Variants in CDH13 observed in about 807,000 individuals in gnomAD.
CDH13 encodes cadherin 13.
CDH13 carries 24 observed loss-of-function variants against 63.8 expected under a neutral mutation model. The observed-to-expected ratio is 0.38, with a 90% confidence interval of 0.27 to 0.53. The LOEUF is 0.53. CDH13 is among the 20% of genes least tolerant of loss of function. The probability of loss-of-function intolerance (pLI) is 0.85; values close to 1 mark genes in which losing one functional copy is unlikely to be tolerated. For missense variants in CDH13, 1,049 were observed against 903.1 expected, an observed-to-expected ratio of 1.16 and a Z score of -2.07; for synonymous variants, 503 against 355.3, an observed-to-expected ratio of 1.42 and a Z score of -4.67.
intron 2 of CDH13, among the ~76,000 whole-genome samples, chr16:82,864,527 G>T (rs1050883603): frequency 6.6e-6 from 1 of 151,962 alleles, no homozygotes; most frequent in Non-Finnish European, 1.5e-5. Flanking sequence ...AAGGGGAGGA[G>T]CCCCTTATAA....
At chr16:82,960,628 C>T (rs1028800253) in intron 2 of CDH13, among the ~76,000 whole-genome samples, 1 of 152,150 alleles carries the variant, frequency 6.6e-6, no homozygotes, top group Non-Finnish European at 1.5e-5. Flanking sequence ...ATAGCACCTT[C>T]AGTTTCCATT....
At chr16:83,177,663 A>C (rs1345358886) in intron 4 of CDH13, among the ~76,000 whole-genome samples, 2 of 152,190 alleles carry the variant, frequency 1.3e-5, no homozygotes, top group Non-Finnish European at 2.9e-5. Context: ...GGTCCCCTCC[A>C]CATAGGGATA....
At chr16:83,441,641 C>T (rs1289712862) in intron 6 of CDH13, among the ~76,000 whole-genome samples, 1 of 152,120 alleles carries the variant, frequency 6.6e-6, no homozygotes, top group Non-Finnish European at 1.5e-5. Context: ...CCTGCTTTTC[C>T]TGATACGGTT....
At chr16:83,585,836 G>A (rs1906104372) in intron 7 of CDH13, among the ~76,000 whole-genome samples, 2 of 152,282 alleles carry the variant, frequency 1.3e-5, no homozygotes, top group African/African-American at 2.4e-5. Flanking sequence ...GTACCAACAG[G>A]GGTTTTGGCT....
intron 1 of CDH13, among the ~76,000 whole-genome samples, chr16:82,631,671 G>A (rs1349388509): frequency 6.6e-6 from 1 of 152,230 alleles, no homozygotes; most frequent in Non-Finnish European, 1.5e-5. Flanking sequence ...ACAATGAATG[G>A]CTGGGCTGTA....
intron 7 of CDH13, among the ~76,000 whole-genome samples, chr16:83,587,033 G>A (rs570892142): frequency 1.3e-5 from 2 of 152,114 alleles, no homozygotes; most frequent in African/African-American, 4.8e-5. Context: ...TCTCTCCGTG[G>A]GCTCCTTTCG....
chr16:83,002,213 C>G (rs568013126), intron 2 of CDH13, among the ~76,000 whole-genome samples: 109 of 152,262 alleles, frequency 7.2e-4, no homozygotes, highest in African/African-American at 2.4e-3. Flanking sequence ...TGAGAGGAGC[C>G]TGGATTATCT....
chr16:82,850,782 C>T (rs1433753298), intron 1 of CDH13, among the ~76,000 whole-genome samples: 1 of 152,174 alleles, frequency 6.6e-6, no homozygotes, highest in Non-Finnish European at 1.5e-5. Flanking sequence ...AAAATGGAGG[C>T]AAGACCCTCA....
chr16:82,970,441 G>A lies in CDH13; in HGVS notation c.158-61569G>A, dbSNP rs563219551. On this transcript the variant is annotated intron_variant, in intron 2 of 13. Coordinates refer to ENST00000567109, the MANE Select transcript of CDH13 (RefSeq NM_001257.5). ...GGAGTCTCGCTCTGTCGCCCAGGCCGGACTGCGGACTGCAGTGGCGCAATC... is the reference window on the plus strand; with the variant it reads ...GGAGTCTCGCTCTGTCGCCCAGGCCAGACTGCGGACTGCAGTGGCGCAATC... Among the ~76,000 whole-genome samples, 514 of 99,032 alleles carry A rather than the reference G, an allele frequency of 5.2e-3. 15 individuals carry two copies. The highest frequency in any genetic ancestry group is 0.017 in the African/African-American group (501 of 30,132). The allele number at this position is 99,032 out of a possible 152,430, so 65.0% of individuals were successfully genotyped here.
chr16:82,903,102 A>G (rs568509012), intron 2 of CDH13, among the ~76,000 whole-genome samples: 2 of 152,370 alleles, frequency 1.3e-5, no homozygotes, highest in African/African-American at 2.4e-5. Context: ...AGATTCAGAG[A>G]CTTTAAAGCA....
chr16:83,098,364 T>C (rs1319176150), intron 3 of CDH13, among the ~76,000 whole-genome samples: 1 of 152,236 alleles, frequency 6.6e-6, no homozygotes, highest in Non-Finnish European at 1.5e-5. Context: ...TACATTGCTA[T>C]TATTTTTTAC....
rs374558272 is a variant in CDH13 at position 83,142,004 on chromosome 16, A to C, written c.483+16503A>C. On this transcript the variant is annotated intron_variant, in intron 4 of 13. Coordinates refer to ENST00000567109, the MANE Select transcript of CDH13 (RefSeq NM_001257.5). ...AGGAAAGCACTGGCTGAAAAGCCCC[A>C]GAAAGTGGGGATGTACCAGTACAAG... 1.4e-4 allele frequency among the ~76,000 whole-genome samples: 21 copies of C among 152,286 alleles called. No homozygotes were observed. The East Asian group carries it at 2.7e-3, about 20-fold the overall frequency.
At chr16:83,457,111 A>G (rs2151518528) in intron 6 of CDH13, among the ~76,000 whole-genome samples, 1 of 152,286 alleles carries the variant, frequency 6.6e-6, no homozygotes, top group Non-Finnish European at 1.5e-5. Context: ...TCCAAGCCAA[A>G]ACACCTGGGC....
intron 7 of CDH13, among the ~76,000 whole-genome samples, chr16:83,495,429 G>T (rs2074112656): frequency 6.6e-6 from 1 of 152,172 alleles, no homozygotes; most frequent in Non-Finnish European, 1.5e-5. Flanking sequence ...TTACTATGTA[G>T]ACGAAGCCTC....
intron 5 of CDH13, among the ~76,000 whole-genome samples, chr16:83,247,022 C>G (rs1166923604): frequency 1.3e-5 from 2 of 152,170 alleles, no homozygotes; most frequent in East Asian, 1.9e-4. Context: ...GAAAGGATAT[C>G]AGATTAGATC....
intron 2 of CDH13, among the ~76,000 whole-genome samples, chr16:83,009,458 C>G (rs777093041): frequency 3.3e-5 from 5 of 152,108 alleles, no homozygotes; most frequent in Non-Finnish European, 7.3e-5. Flanking sequence ...GCTTTACATT[C>G]TCTCACTTTT....
intron 1 of CDH13, among the ~76,000 whole-genome samples, chr16:82,694,381 T>G (rs893897530): frequency 6.6e-6 from 1 of 152,254 alleles, no homozygotes; most frequent in African/African-American, 2.4e-5. Flanking sequence ...TCACTATCAC[T>G]GCAACATTCA....
intron 10 of CDH13, among the ~76,000 whole-genome samples, chr16:83,714,959 T>C (rs1343306507): frequency 6.6e-6 from 1 of 152,208 alleles, no homozygotes; most frequent in African/African-American, 2.4e-5. Context: ...CATCTGTTTC[T>C]TTACATCATT....
chr16:83,041,529 G>A (rs1261858897), intron 3 of CDH13, among the ~76,000 whole-genome samples: 4 of 152,012 alleles, frequency 2.6e-5, no homozygotes, highest in East Asian at 3.9e-4. Flanking sequence ...CTGCTAATAC[G>A]TCTCTTACTG....
Sources: allele counts gnomAD v4.1 joint callset (sites outside exome capture counted in the v4.1 genomes callset), GRCh38; gene constraint gnomAD v4.1.1; transcripts MANE v1.5; gene names NCBI Gene and HGNC (gene_info 2026-07-23, HGNC 2026-07-21).